UNC13B: variants seen among roughly 807,000 people sequenced by gnomAD.
UNC13B encodes the protein unc-13 homolog B.
UNC13B carries 144 observed loss-of-function variants against 211.0 expected under a neutral mutation model. The observed-to-expected ratio is 0.68, with a 90% CI of 0.60 to 0.78. The LOEUF (loss-of-function observed/expected upper bound fraction) is 0.78, where lower values mean the gene tolerates loss of function less well. Ranked by LOEUF, UNC13B falls within the 30% of genes least tolerant of loss-of-function variation. The pLI, the probability that UNC13B is intolerant of heterozygous loss-of-function variation, is 0.00. For missense variants in UNC13B, 1,777 were observed against 2,002.0 expected, an observed-to-expected ratio of 0.89 and a Z score of 2.14; for synonymous variants, 709 against 725.8, an observed-to-expected ratio of 0.98 and a Z score of 0.37.
At chr9:35,298,074 GTTAGTT>G (rs565930798) in intron 8 of UNC13B, among the ~76,000 whole-genome samples, 1 of 152,180 alleles carries the variant, frequency 6.6e-6, no homozygotes, top group East Asian at 1.9e-4. Context: ...TTGATTGGAG[GTTAGTT>G]TTCAAGAAAT....
chr9:35,268,472 A>G (rs1261534355), intron 7 of UNC13B, among the ~76,000 whole-genome samples: 4 of 152,178 alleles, frequency 2.6e-5, no homozygotes, highest in Non-Finnish European at 5.9e-5. Flanking sequence ...ACAAAAAATT[A>G]GCCAGGTGTG....
In UNC13B at chr9:35,378,438, T is replaced by C; in HGVS notation, c.10205+2T>C. The C allele has an allele frequency of 1.2e-6, 2 of 1,614,186 alleles. No individual in the cohort carries two copies. The highest frequency in any genetic ancestry group is 1.7e-6 in the Non-Finnish European group (2 of 1,180,018). ...TGTTTGGGAGGAGAAGTTCCATTTG[T>C]AAGTCACAGAGAGCTTTGTCTTACC... On this transcript the variant is annotated splice_donor_variant, in intron 17 of 39. Transcript: ENST00000635942. LOFTEE classifies it high-confidence loss of function.
intron 1 of UNC13B, among the ~76,000 whole-genome samples, chr9:35,200,508 T>C (rs977784686): frequency 9.9e-5 from 15 of 152,124 alleles, no homozygotes; most frequent in African/African-American, 2.7e-4. Context: ...TCTTTTATTT[T>C]GTTGAGCAGT....
chr9:35,381,638 T>G lies in UNC13B; in HGVS notation c.10574T>G (p.Val3525Gly), dbSNP rs1587737226. ...PEARGDDAWK[V>G]YFDETAQEIV... Reference sequence around the variant, plus strand: ...GCTCGAGGAGACGATGCCTGGAAGGTGTACTTTGATGAGACAGCCCAAGAA... The same window carrying G: ...GCTCGAGGAGACGATGCCTGGAAGGGGTACTTTGATGAGACAGCCCAAGAA... Residue 3525 changes from valine (V) to glycine (G), a missense_variant, in exon 20 of 40, where the codon GTG becomes GGG. Val to Gly is a moderately radical substitution (Grantham distance 109, BLOSUM62 -3). Transcript: ENST00000635942. 1.9e-6 allele frequency: 3 copies of G among 1,614,076 alleles called. No individual in the cohort carries two copies. Among genetic ancestry groups the G allele is most frequent in the Non-Finnish European group, 2.5e-6 (3 of 1,180,018 alleles).
chr9:35,245,581 T>A (rs546595263), intron 6 of UNC13B, among the ~76,000 whole-genome samples: 1 of 145,858 alleles, frequency 6.9e-6, no homozygotes, highest in East Asian at 2.1e-4. Flanking sequence ...TTCCCACCTG[T>A]GAGTGAGAAC....
intron 7 of UNC13B, among the ~76,000 whole-genome samples, chr9:35,280,577 C>T (rs1828427195): frequency 1.3e-5 from 2 of 152,010 alleles, no homozygotes; most frequent in South Asian, 2.1e-4. Flanking sequence ...GGGTCTAGGA[C>T]TGTCAGTAAG....
chr9:35,357,093 A>G (rs1833072466), intron 11 of UNC13B, among the ~76,000 whole-genome samples: 2 of 152,152 alleles, frequency 1.3e-5, no homozygotes, highest in African/African-American at 2.4e-5. Context: ...TCTCTTGGGT[A>G]TTTACCTAGA....
chr9:35,162,788 C>T (rs1185163176), intron 1 of UNC13B, among the ~76,000 whole-genome samples: 1 of 152,194 alleles, frequency 6.6e-6, no homozygotes, highest in Non-Finnish European at 1.5e-5. Context: ...CTTCCCTGAA[C>T]ACTAACCGGT....
chr9:35,384,842 T>C (rs1470989263), intron 22 of UNC13B: 7 of 761,864 alleles, frequency 9.2e-6, no homozygotes, highest in Non-Finnish European at 1.1e-5. Context: ...GATAAGGAAA[T>C]GGGCAGTTTC....
chr9:35,163,093 CTGGTTTTGAATGAATGCAAGTACTG>C (rs1820864092), intron 1 of UNC13B, among the ~76,000 whole-genome samples: 1 of 152,072 alleles, frequency 6.6e-6, no homozygotes, highest in South Asian at 2.1e-4. Flanking sequence ...AAGCTTAATG[CTGGTTTTGAATGAATGCAAGTACTG>C]TGACTTCAGA....
chr9:35,300,772 T>C lies in UNC13B; in HGVS notation c.1368T>C (p.Ile456=). ...TTGAGGAGCCCAAGGAGGACCGTAT[T>C]GATACAATGGATGAGCTTCAGTGTT... ...SSIEEPKEDR[I]DTMDELQCLV... Residue 456 remains isoleucine (I), a synonymous_variant, in exon 9 of 40, where the codon ATT becomes ATC. Transcript: ENST00000635942. The C allele has an allele frequency of 2.5e-6, 1 of 398,930 alleles. No individual in the cohort carries two copies. 24.7% of individuals were successfully genotyped at this position (398,930 alleles called of 1,614,324 possible). A position where few individuals can be genotyped will look rare whatever the true frequency, so the allele number is the denominator to read the frequency against.
At chr9:35,228,742 GTGTGTGTA>G (rs1330094284) in intron 2 of UNC13B, among the ~76,000 whole-genome samples, 13 of 132,914 alleles carry the variant, frequency 9.8e-5, no homozygotes, top group South Asian at 2.5e-4. Flanking sequence ...GTGTGTGTGT[GTGTGTGTA>G]TGTGTGTGTC....
chr9:35,183,494 C>A (rs1361697810), intron 1 of UNC13B, among the ~76,000 whole-genome samples: 11 of 117,276 alleles, frequency 9.4e-5, no homozygotes, highest in Admixed American at 1.6e-4. Flanking sequence ...CGCTCCTCAC[C>A]TCCCAGACGG....
At chr9:35,176,863 AGAG>A in intron 1 of UNC13B, among the ~76,000 whole-genome samples, 1 of 152,324 alleles carries the variant, frequency 6.6e-6, no homozygotes, top group East Asian at 1.9e-4. Context: ...ATCTAGAAGA[AGAG>A]GACACTATCG....
At chr9:35,313,274 A>G (rs182604331) in intron 10 of UNC13B, among the ~76,000 whole-genome samples, 1 of 152,242 alleles carries the variant, frequency 6.6e-6, no homozygotes, top group Non-Finnish European at 1.5e-5. Context: ...GAGATGAATT[A>G]TTTTCACATT....
At chr9:35,322,852 C>G (rs1367697226) in intron 11 of UNC13B, among the ~76,000 whole-genome samples, 3 of 152,012 alleles carry the variant, frequency 2.0e-5, no homozygotes, top group Non-Finnish European at 2.9e-5. Flanking sequence ...ACTCTTTGCC[C>G]TCATGGAGAC....
chr9:35,390,149 A>G lies in UNC13B; in HGVS notation c.11222+176A>G, dbSNP rs555789993. 4.4e-4 allele frequency among the ~76,000 whole-genome samples: 67 copies of G among 152,238 alleles called. 1 individual carries two copies. Among genetic ancestry groups the G allele is most frequent in the African/African-American group, 1.6e-3 (66 of 41,552 alleles). On this transcript the variant is annotated intron_variant, in intron 25 of 39. Coordinates refer to ENST00000635942, the MANE Select transcript of UNC13B (RefSeq NM_001371189.2). ...AACTGTTTCTGGAGACAGGTGTGGAAACATAATGGGGGTCCCTGGCCAGAT... is the reference window on the plus strand; with the variant it reads ...AACTGTTTCTGGAGACAGGTGTGGAGACATAATGGGGGTCCCTGGCCAGAT...
intron 1 of UNC13B, among the ~76,000 whole-genome samples, chr9:35,176,025 C>A (rs1431291806): frequency 1.6e-4 from 15 of 96,154 alleles, no homozygotes; most frequent in African/African-American, 5.5e-4. Flanking sequence ...GACTCTGTCT[C>A]AAAAAAAAAA....
intron 6 of UNC13B, among the ~76,000 whole-genome samples, chr9:35,247,325 T>C (rs1473098180): frequency 6.6e-6 from 1 of 152,156 alleles, no homozygotes; most frequent in Admixed American, 6.5e-5. Flanking sequence ...TTCCTCTTTT[T>C]CTAATTGAAT....
Sources: allele counts gnomAD v4.1 joint callset (sites outside exome capture counted in the v4.1 genomes callset), GRCh38; gene constraint gnomAD v4.1.1; transcripts MANE v1.5; gene names NCBI Gene and HGNC (gene_info 2026-07-23, HGNC 2026-07-21).